LRRK2: variants seen among roughly 807,000 people sequenced by gnomAD.
The protein encoded by LRRK2 is leucine-rich repeat serine/threonine-protein kinase 2.
A neutral mutation model predicts 302.6 loss-of-function variants in LRRK2; 203 were observed. The observed-to-expected ratio is 0.67, with a 90% CI of 0.60 to 0.75. The LOEUF (loss-of-function observed/expected upper bound fraction) is 0.75. Ranked by LOEUF, LRRK2 falls within the 30% of genes least tolerant of loss-of-function variation. The pLI is 0.00. For synonymous variants in LRRK2, 1,066 were observed against 1,031.9 expected, an observed-to-expected ratio of 1.03 and a Z score of -0.63; for missense variants, 2,830 against 2,951.0, an observed-to-expected ratio of 0.96 and a Z score of 0.95.
intron 20 of LRRK2, among the ~76,000 whole-genome samples, chr12:40,292,087 A>C (rs968880139): frequency 3.3e-5 from 5 of 151,900 alleles, no homozygotes; most frequent in African/African-American, 1.2e-4. Context: ...CTGCCCCAGA[A>C]CTCCCAGCTA....
intron 33 of LRRK2, among the ~76,000 whole-genome samples, chr12:40,317,571 C>T (rs1255574667): frequency 6.6e-6 from 1 of 151,986 alleles, no homozygotes; most frequent in East Asian, 1.9e-4. Context: ...GAGAAGTTTA[C>T]AAGACTCATT....
intron 14 of LRRK2, among the ~76,000 whole-genome samples, chr12:40,264,516 G>C (rs2136545408): frequency 6.6e-6 from 1 of 152,328 alleles, no homozygotes; most frequent in East Asian, 1.9e-4. Flanking sequence ...CTACTCAGGA[G>C]GCTGAGGCAG....
At position 40,274,924 on chromosome 12, in the gene LRRK2, A is replaced by G. The variant is rs758187698; in HGVS notation, c.1872A>G (p.Gly624=). The change falls in exon 16 of 51, where the codon GGA becomes GGG. Residue 624 remains glycine (G), a synonymous_variant. Coordinates refer to ENST00000298910, the MANE Select transcript of LRRK2 (RefSeq NM_198578.4). ...ITKKNVFIGT[G]HLLAKILVSS... Reference sequence around the variant, plus strand: ...AGAAGAATGTGTTCATAGGAACTGGACATCTGCTGGCAAAAATTCTGGTTT... The same window carrying G: ...AGAAGAATGTGTTCATAGGAACTGGGCATCTGCTGGCAAAAATTCTGGTTT... 6.2e-7 allele frequency: 1 copy of G among 1,613,878 alleles called. No individual in the cohort carries two copies. The highest frequency in any genetic ancestry group is 8.5e-7 in the Non-Finnish European group (1 of 1,179,828).
chr12:40,298,863 TTATATATATA>T (rs1320490294), intron 24 of LRRK2, among the ~76,000 whole-genome samples: 2 of 11,880 alleles, frequency 1.7e-4, no homozygotes, highest in African/African-American at 6.8e-4. Context: ...TACCTATATA[TTATATATATA>T]CTATATATAA....
At chr12:40,317,989 G>A (rs1421154740) in intron 33 of LRRK2, among the ~76,000 whole-genome samples, 1 of 152,020 alleles carries the variant, frequency 6.6e-6, no homozygotes, top group Admixed American at 6.6e-5. Flanking sequence ...TGCAAGAAAG[G>A]TACATGCATG....
chr12:40,225,023 G>A lies in LRRK2; in HGVS notation c.-109G>A. 7.0e-7 allele frequency: 1 copy of A among 1,428,376 alleles called. No homozygotes were observed. Among genetic ancestry groups the A allele is most frequent in the Non-Finnish European group, 9.7e-7 (1 of 1,035,376 alleles). 88.5% of individuals were successfully genotyped at this position (1,428,376 alleles called of 1,614,324 possible). A position where few individuals can be genotyped will look rare whatever the true frequency, so the allele number is the denominator to read the frequency against. ...GGGCCCGCGGGGAGCGCTGGCTGCG[G>A]GCGGTGAGCTGAGCTCGCCCCCGGG... On this transcript the variant is annotated 5_prime_UTR_variant, in exon 1 of 51. Transcript: ENST00000298910.
chr12:40,355,354 G>C (rs1402429094), intron 45 of LRRK2, among the ~76,000 whole-genome samples: 1 of 152,098 alleles, frequency 6.6e-6, no homozygotes, highest in African/African-American at 2.4e-5. Flanking sequence ...AAGCGCAGGG[G>C]TGAGCTAATG....
intron 13 of LRRK2, among the ~76,000 whole-genome samples, chr12:40,262,801 A>G (rs534659152): frequency 1.4e-4 from 21 of 152,318 alleles, no homozygotes; most frequent in Admixed American, 1.4e-3. Context: ...AAGGTGTAAT[A>G]GGCAGCCTCA....
At chr12:40,313,695 T>A (rs926172323) in intron 31 of LRRK2, among the ~76,000 whole-genome samples, 6 of 151,970 alleles carry the variant, frequency 3.9e-5, no homozygotes, top group African/African-American at 1.4e-4. Context: ...TTGTTTTTTT[T>A]TCCATGGAAT....
intron 5 of LRRK2, among the ~76,000 whole-genome samples, chr12:40,239,284 C>G (rs377599732): frequency 2.0e-5 from 3 of 152,088 alleles, no homozygotes; most frequent in Non-Finnish European, 4.4e-5. Context: ...AATCATACAC[C>G]GTGAAGTAGA....
chr12:40,293,407 TACAAAGGGAATG>T, intron 20 of LRRK2, 126 bp from the exon 21 acceptor site: 1 of 590,752 alleles, frequency 1.7e-6, no homozygotes, highest in Non-Finnish European at 3.0e-6. Context: ...TTAAAGATTT[TACAAAGGGAATG>T]GACTGTGAAA....
chr12:40,300,998 G>A (rs888741096), intron 25 of LRRK2: 1 of 467,988 alleles, frequency 2.1e-6, no homozygotes, highest in Non-Finnish European at 4.4e-6. Flanking sequence ...GTCATACCTA[G>A]GACAGGTATG....
intron 45 of LRRK2, among the ~76,000 whole-genome samples, chr12:40,354,812 T>TC (rs1351677933): frequency 6.6e-6 from 1 of 151,630 alleles, no homozygotes; most frequent in Non-Finnish European, 1.5e-5. Context: ...CAAGGATAAA[T>TC]TCTCATTCAT....
At chr12:40,308,363 T>C in intron 28 of LRRK2, 104 bp from the exon 29 acceptor site, 1 of 848,618 alleles carries the variant, frequency 1.2e-6, no homozygotes. Flanking sequence ...TGCACTCTTC[T>C]GGATACTATA....
chr12:40,259,615 T>G lies in LRRK2; in HGVS notation c.1543+11T>G. On this transcript the variant is annotated intron_variant, in intron 13 of 50. Transcript: ENST00000298910. The stretch of plus-strand genomic sequence containing the variant: ...ATTTTATAGTGCCTGGTAAGTTACA[T>G]AGTTGATTGTGGGAAGAGATAACAA... 4 of 1,612,756 alleles carry G rather than the reference T, an allele frequency of 2.5e-6. No individual in the cohort carries two copies. In the South Asian group the frequency reaches 4.4e-5, roughly 18 times the overall value.
chr12:40,297,585 GATAA>G (rs1180751653), intron 23 of LRRK2, among the ~76,000 whole-genome samples: 1 of 152,068 alleles, frequency 6.6e-6, no homozygotes. Flanking sequence ...TTCTCGTGTG[GATAA>G]ATATATTGAT....
In LRRK2 at chr12:40,240,723, T is replaced by C. The variant is rs549135759; in HGVS notation, c.706+106T>C. Reference sequence around the variant, plus strand: ...TTTTTATTATTTAGAAACTTGTGGATGCTCAACCCATTCATTCATTTATTC... The same window carrying C: ...TTTTTATTATTTAGAAACTTGTGGACGCTCAACCCATTCATTCATTTATTC... On this transcript the variant is annotated intron_variant, in intron 6 of 50. Transcript: ENST00000298910. 17 of 1,088,146 alleles carry C rather than the reference T, an allele frequency of 1.6e-5. 1 individual carries two copies. The East Asian group carries it at 2.6e-4, about 17-fold the overall frequency. The allele number at this position is 1,088,146 out of a possible 1,614,324, so 67.4% of individuals were successfully genotyped here. A position where few individuals can be genotyped will look rare whatever the true frequency, so the allele number is the denominator to read the frequency against.
intron 29 of LRRK2, 118 bp downstream of exon 29, chr12:40,308,814 C>A: frequency 2.0e-6 from 2 of 1,002,916 alleles, no homozygotes; most frequent in Non-Finnish European, 3.0e-6. Flanking sequence ...GGAATTATTC[C>A]AAAGCCCTTC....
At chr12:40,291,773 T>G (rs796830077) in intron 20 of LRRK2, among the ~76,000 whole-genome samples, 6 of 152,088 alleles carry the variant, frequency 3.9e-5, no homozygotes, top group African/African-American at 1.2e-4. Flanking sequence ...TGACTTTTCT[T>G]TCTATTTATT....
Sources: allele counts gnomAD v4.1 joint callset (sites outside exome capture counted in the v4.1 genomes callset), GRCh38; gene constraint gnomAD v4.1.1; transcripts MANE v1.5; gene names NCBI Gene and HGNC (gene_info 2026-07-23, HGNC 2026-07-21).